Variants in ADAMTS7 observed in about 807,000 individuals in gnomAD.
ADAMTS7 encodes ADAM metallopeptidase with thrombospondin type 1 motif 7, also known as A disintegrin and metalloproteinase with thrombospondin motifs 7.
In ADAMTS7, 89 loss-of-function variants were observed where a neutral mutation model predicts 172.6. The ratio of observed to expected loss-of-function variants is 0.52; its 90% CI spans 0.43 to 0.61. The LOEUF (loss-of-function observed/expected upper bound fraction) is 0.61. Among genes scored for constraint, ADAMTS7 ranks in the 20% least tolerant of loss-of-function variants. The pLI is 0.00. For missense variants in ADAMTS7, 1,973 were observed against 2,355.6 expected (o/e 0.84, Z 3.36); for synonymous variants, 885 against 978.4 (o/e 0.90, Z 1.78).
intron 20 of ADAMTS7, among the ~76,000 whole-genome samples, 168 bp downstream of exon 20, chr15:78,764,383 CCAGA>C (rs2055104381): frequency 6.6e-6 from 1 of 152,234 alleles, no homozygotes; most frequent in Non-Finnish European, 1.5e-5. Flanking sequence ...ACAGGCCAAG[CCAGA>C]CAAAGATGAG....
chr15:78,780,440 C>T (rs1441660404), intron 8 of ADAMTS7, among the ~76,000 whole-genome samples: 4 of 152,264 alleles, frequency 2.6e-5, no homozygotes, highest in Admixed American at 1.3e-4. Context: ...GGGGGGTCCA[C>T]GGGGTGAAGT....
intron 1 of ADAMTS7, among the ~76,000 whole-genome samples, chr15:78,800,829 G>T (rs1379171138): frequency 6.6e-6 from 1 of 152,108 alleles, no homozygotes; most frequent in East Asian, 1.9e-4. Context: ...GCTGGAGTGC[G>T]TGGCGCGATC....
intron 16 of ADAMTS7, among the ~76,000 whole-genome samples, chr15:78,768,828 C>T (rs2055201858): frequency 1.3e-5 from 2 of 151,312 alleles, no homozygotes; most frequent in South Asian, 4.2e-4. Context: ...CACAAGTGTC[C>T]AGGCTGGCCC....
chr15:78,784,421 GGGA>G, intron 8 of ADAMTS7, among the ~76,000 whole-genome samples: 2 of 131,642 alleles, frequency 1.5e-5, no homozygotes, highest in South Asian at 3.2e-4. Flanking sequence ...GAGGGAGGGA[GGGA>G]GGGAGGGAGG....
chr15:78,779,362 G>T (rs764187158), intron 8 of ADAMTS7, among the ~76,000 whole-genome samples: 9 of 152,144 alleles, frequency 5.9e-5, no homozygotes, highest in Non-Finnish European at 1.3e-4. Flanking sequence ...GGGCCCATAG[G>T]TCACTGGCCC....
chr15:78,800,678 G>A (rs552546000), intron 1 of ADAMTS7, 131 bp from the exon 2 acceptor site: 2 of 789,680 alleles, frequency 2.5e-6, no homozygotes, highest in African/African-American at 3.5e-5. Context: ...TCCTCGCCGG[G>A]CTATCTACTA....
In ADAMTS7 at chr15:78,798,042, G is replaced by A. The variant is rs199941570; in HGVS notation, c.528C>T (p.Gly176=). ...EPLDSAPARP[G]HAQPHVVYKR... ...TGTACACCACATGGGGCTGGGCGTG[G>A]CCAGGCCGGGCCGGGGCACTGTCCA... is the stretch of plus-strand genomic sequence containing the variant. The change falls in exon 3 of 24, where the codon GGC becomes GGT. Residue 176 remains glycine, a synonymous_variant. Transcript: ENST00000388820. 7 of 1,569,718 alleles carry A rather than the reference G, an allele frequency of 4.5e-6. No individual in the cohort carries two copies. The highest frequency in any genetic ancestry group is 1.7e-4 in the Middle Eastern group (1 of 5,796).
rs753485848 is a variant in ADAMTS7, at chr15:78,800,163, C to A, written c.456+29G>T. 17 of 1,568,302 alleles carry A rather than the reference C, an allele frequency of 1.1e-5. No individual in the cohort carries two copies. The African/African-American group carries it at 2.3e-4, about 21-fold the overall frequency. Reference sequence around the variant, plus strand: ...TGCACATCCCACCACCCGAGACTGCCCCAAGTATACATGTCCCAGCTCACT... The same window carrying A: ...TGCACATCCCACCACCCGAGACTGCACCAAGTATACATGTCCCAGCTCACT... On this transcript the variant is annotated intron_variant, in intron 2 of 23. Coordinates refer to ENST00000388820, the MANE Select transcript of ADAMTS7 (RefSeq NM_014272.5).
chr15:78,764,344 G>T (rs1362207688), intron 20 of ADAMTS7, among the ~76,000 whole-genome samples: 1 of 152,260 alleles, frequency 6.6e-6, no homozygotes, highest in East Asian at 1.9e-4. Flanking sequence ...GACAAGTCCA[G>T]ATGGGGTCAA....
In ADAMTS7 at chr15:78,765,698, C is replaced by T. The variant is rs3940933; in HGVS notation, c.4213G>A (p.Ala1405Thr). The change falls in exon 19 of 24, where the codon GCG becomes ACG. Residue 1405 changes from alanine to threonine, a missense_variant. This residue lies in a region of ADAMTS7 where 771 missense variants were observed against 952.6 expected (regional missense o/e 0.81). Transcript: ENST00000388820. ...GCGTTCCTGACAACCAACGGGTCCG[C>T]GGGGGGCCCCGCTTCAGCCAGGCTG... ...APSLAEAGPP[A>T]DPLVVRNAGW... The T allele has an allele frequency of 1.0e-3, 1,689 of 1,609,392 alleles. 7 individuals are homozygous for T. Among genetic ancestry groups the T allele is most frequent in the Middle Eastern group, 2.9e-3 (13 of 4,420 alleles).
At position 78,776,291 on chromosome 15, in the gene ADAMTS7, C is replaced by A. The variant is rs781511999; in HGVS notation, c.1603G>T (p.Glu535Ter). The A allele has an allele frequency of 6.8e-6, 11 of 1,611,834 alleles. No homozygotes were observed. Among genetic ancestry groups the A allele is most frequent in the Non-Finnish European group, 1.7e-6 (2 of 1,179,844 alleles). ...GECVPVGFRP[E>*]AVDGGWSGWS... ...CCAGACCAGCCACCATCCACGGCCT[C>A]GGGCCGGAAGCCCACGGGTACGCAC... Residue 535 changes from glutamate to a stop codon, truncating the protein, a stop_gained, in exon 11 of 24, where the codon GAG becomes TAG. Transcript: ENST00000388820. LOFTEE classifies it high-confidence loss of function.
At chr15:78,780,213 G>A (rs879812739) in intron 8 of ADAMTS7, among the ~76,000 whole-genome samples, 85 of 149,348 alleles carry the variant, frequency 5.7e-4, no homozygotes, top group Admixed American at 2.2e-3. Flanking sequence ...CCCCAAACCC[G>A]TCAGCCCTTC....
chr15:78,774,035 G>C, intron 13 of ADAMTS7, 132 bp downstream of exon 13: 3 of 1,414,522 alleles, frequency 2.1e-6, no homozygotes, highest in Non-Finnish European at 2.8e-6. Flanking sequence ...AGGACCAGGA[G>C]GGACCCAGGA....
intron 1 of ADAMTS7, among the ~76,000 whole-genome samples, chr15:78,801,117 T>C (rs1259925999): frequency 2.0e-5 from 3 of 152,184 alleles, no homozygotes; most frequent in African/African-American, 7.2e-5. Flanking sequence ...CCCCTCGTGT[T>C]TTCACCAAGG....
chr15:78,769,495 C>A (rs1215122391), intron 16 of ADAMTS7, among the ~76,000 whole-genome samples: 1 of 152,180 alleles, frequency 6.6e-6, no homozygotes, highest in Non-Finnish European at 1.5e-5. Flanking sequence ...AGTACTGGCT[C>A]GGGAGAAAAA....
At position 78,766,433 on chromosome 15, in the gene ADAMTS7, C is replaced by T. The variant is rs990721956; in HGVS notation, c.3478G>A (p.Glu1160Lys). 6.3e-7 allele frequency: 1 copy of T among 1,582,852 alleles called. No homozygotes were observed. Among genetic ancestry groups the T allele is most frequent in the Non-Finnish European group, 8.6e-7 (1 of 1,167,042 alleles). Residue 1160 changes from glutamate (E) to lysine (K), a missense_variant, in exon 19 of 24, where the codon GAA (glutamate) becomes AAA (lysine). Around this residue, in one of 8 missense-constraint regions of ADAMTS7, gnomAD observed 771 missense variants for 952.6 expected, o/e 0.81. Coordinates refer to ENST00000388820, the MANE Select transcript of ADAMTS7 (RefSeq NM_014272.5). ...TCTGGGGCCCCTATGGGGGTGTCTT[C>T]CTCAGGCAGGAAATTGATCAAAGGG... ...GNPLINFLPE[E>K]DTPIGAPDLG...
chr15:78,764,641 C>T lies in ADAMTS7; in HGVS notation c.4333G>A (p.Asp1445Asn). 1 of 1,569,180 alleles carries T rather than the reference C, an allele frequency of 6.4e-7. No individual in the cohort carries two copies. The highest frequency in any genetic ancestry group is 1.1e-5 in the South Asian group (1 of 87,108). The change falls in exon 20 of 24, where the codon GAC becomes AAC. Residue 1445 changes from aspartate to asparagine, a missense_variant. Asp to Asn is a conservative substitution (Grantham distance 23). Transcript: ENST00000388820. ...TGGGGCCGGCCAGCGGGGGCGCAGT[C>T]CTCATCCCGGCCGGAGCTACAGCGC... is the stretch of plus-strand genomic sequence containing the variant. ...PVRCSSGRDE[D>N]CAPAGRPQPA...
At chr15:78,764,449 G>T in intron 20 of ADAMTS7, 106 bp downstream of exon 20, 1 of 1,390,158 alleles carries the variant, frequency 7.2e-7, no homozygotes, top group Non-Finnish European at 9.5e-7. Flanking sequence ...CAGATGTGCA[G>T]CCTGGGGCCC....
At chr15:78,800,683 C>T in intron 1 of ADAMTS7, 136 bp from the exon 2 acceptor site, 1 of 750,980 alleles carries the variant, frequency 1.3e-6, no homozygotes, top group Non-Finnish European at 2.2e-6. Context: ...GCCGGGCTAT[C>T]TACTAACTCT....
Sources: allele counts gnomAD v4.1 joint callset (sites outside exome capture counted in the v4.1 genomes callset), GRCh38; gene constraint gnomAD v4.1.1; regional missense constraint gnomAD v4.1.1; transcripts MANE v1.5; gene names NCBI Gene and HGNC (gene_info 2026-07-23, HGNC 2026-07-21).